BBS9: variants seen among roughly 807,000 people sequenced by gnomAD.
BBS9 encodes the protein Bardet-Biedl syndrome 9.
Under a neutral mutation model 117.7 loss-of-function variants are expected in BBS9, and 89 were observed. The observed-to-expected ratio is 0.76, with a 90% CI of 0.64 to 0.90. BBS9 has a LOEUF of 0.90. BBS9 is among the 40% of genes least tolerant of loss of function. The pLI, the probability that BBS9 is intolerant of heterozygous loss-of-function variation, is 0.00. For synonymous variants in BBS9, 379 were observed against 370.9 expected, an observed-to-expected ratio of 1.02 and a Z score of -0.25; for missense variants, 982 against 1,042.2, an observed-to-expected ratio of 0.94 and a Z score of 0.80.
At chr7:33,357,307 A>C (rs1469800186) in intron 15 of BBS9, among the ~76,000 whole-genome samples, 1 of 151,810 alleles carries the variant, frequency 6.6e-6, no homozygotes, top group East Asian at 1.9e-4. Context: ...TAATGTGTAA[A>C]ATGAACATGG....
Position 33,247,076 on chromosome 7 carries a change from G to A in BBS9, c.443-10160G>A, listed in dbSNP as rs190299496. 3.1e-4 allele frequency among the ~76,000 whole-genome samples: 47 copies of A among 151,692 alleles called. No homozygotes were observed. In the East Asian group the frequency reaches 8.3e-3, roughly 27 times the overall value. ...AAAAGATGAATTTCTGAGTGTATATGTATGTGTGTGTGTGTGCATGCAGTC... is the reference window on the plus strand; with the variant it reads ...AAAAGATGAATTTCTGAGTGTATATATATGTGTGTGTGTGTGCATGCAGTC... On this transcript the variant is annotated intron_variant, in intron 5 of 22. Coordinates refer to ENST00000242067, the MANE Select transcript of BBS9 (RefSeq NM_198428.3).
At chr7:33,331,969 A>T (rs1814166000) in intron 9 of BBS9, among the ~76,000 whole-genome samples, 1 of 152,154 alleles carries the variant, frequency 6.6e-6, no homozygotes. Flanking sequence ...ATTCTTATGG[A>T]ACCAAAAAAG....
At chr7:33,380,709 C>T (rs1824848198) in intron 17 of BBS9, 1 of 152,566 alleles carries the variant, frequency 6.6e-6, no homozygotes, top group Non-Finnish European at 1.5e-5. Context: ...CTTTGCGAGC[C>T]ACTACCACAT....
intron 19 of BBS9, among the ~76,000 whole-genome samples, chr7:33,409,511 A>G (rs992222036): frequency 6.6e-6 from 1 of 152,112 alleles, no homozygotes; most frequent in Non-Finnish European, 1.5e-5. Flanking sequence ...CTATTGGTCT[A>G]TGTGTCTGTT....
intron 19 of BBS9, among the ~76,000 whole-genome samples, chr7:33,443,439 A>G (rs906460275): frequency 6.6e-5 from 10 of 152,114 alleles, no homozygotes; most frequent in Admixed American, 2.0e-4. Context: ...GGAAACCCCT[A>G]TATTTTTCTT....
rs182698443 is a variant in BBS9, at chr7:33,389,582, G to A, written c.2115+1438G>A. 2.2e-3 allele frequency among the ~76,000 whole-genome samples: 337 copies of A among 151,558 alleles called. 1 individual carries two copies. Among genetic ancestry groups the A allele is most frequent in the African/African-American group, 7.9e-3 (325 of 41,282 alleles). On this transcript the variant is annotated intron_variant, in intron 19 of 22. Transcript: ENST00000242067. ...CAGGCACCCATAATCCCAGCTACTC[G>A]GGAGGCTGAGGCAGGGGAATCGGTT... is the stretch of plus-strand genomic sequence containing the variant.
At chr7:33,450,479 A>G (rs989562691) in intron 19 of BBS9, among the ~76,000 whole-genome samples, 1 of 152,160 alleles carries the variant, frequency 6.6e-6, no homozygotes, top group Admixed American at 6.5e-5. Flanking sequence ...GCACTCTTTT[A>G]CATTCTTACC....
intron 21 of BBS9, among the ~76,000 whole-genome samples, chr7:33,536,887 A>G (rs75515677): frequency 1.5e-3 from 227 of 151,922 alleles, no homozygotes; most frequent in African/African-American, 5.3e-3. Context: ...CTTATTAAGA[A>G]ATACTGTGAG....
intron 15 of BBS9, among the ~76,000 whole-genome samples, chr7:33,356,714 G>C (rs1273104419): frequency 6.6e-6 from 1 of 151,848 alleles, no homozygotes; most frequent in African/African-American, 2.4e-5. Context: ...TGGATGTGGA[G>C]TAAGACATAC....
intron 9 of BBS9, among the ~76,000 whole-genome samples, chr7:33,274,715 C>T (rs889327003): frequency 2.6e-5 from 4 of 152,150 alleles, no homozygotes; most frequent in African/African-American, 7.2e-5. Context: ...CCATACGGGG[C>T]GGGGCACAGT....
chr7:33,571,647 A>G (rs1857812922), intron 21 of BBS9, among the ~76,000 whole-genome samples: 1 of 152,022 alleles, frequency 6.6e-6, no homozygotes, highest in Non-Finnish European at 1.5e-5. Flanking sequence ...TTATAGTTAC[A>G]TGGTTTCATT....
intron 20 of BBS9, among the ~76,000 whole-genome samples, chr7:33,528,238 C>T (rs1849971125): frequency 6.6e-6 from 1 of 152,112 alleles, no homozygotes; most frequent in African/African-American, 2.4e-5. Flanking sequence ...TGCAATGCAA[C>T]ATGGGCCATT....
chr7:33,219,646 A>G (rs189828975), intron 5 of BBS9, among the ~76,000 whole-genome samples: 2 of 152,250 alleles, frequency 1.3e-5, no homozygotes, highest in Non-Finnish European at 2.9e-5. Flanking sequence ...CTCCGTATCT[A>G]GCTAATCTGG....
intron 21 of BBS9, among the ~76,000 whole-genome samples, chr7:33,559,193 A>AT (rs1855722821): frequency 6.6e-6 from 1 of 152,280 alleles, no homozygotes; most frequent in South Asian, 2.1e-4. Context: ...TTTCCTAAAC[A>AT]TTTTTTGTGC....
At chr7:33,392,379 T>G (rs1370560691) in intron 19 of BBS9, among the ~76,000 whole-genome samples, 1 of 152,204 alleles carries the variant, frequency 6.6e-6, no homozygotes, top group Non-Finnish European at 1.5e-5. Context: ...TATTTACTCA[T>G]GTATTTGGCA....
chr7:33,466,056 T>G (rs1464052841), intron 19 of BBS9, among the ~76,000 whole-genome samples: 1 of 151,520 alleles, frequency 6.6e-6, no homozygotes, highest in East Asian at 1.9e-4. Flanking sequence ...TAACATTTTT[T>G]GAGAGAGAGA....
At chr7:33,280,522 A>T (rs1224555196) in intron 9 of BBS9, among the ~76,000 whole-genome samples, 1 of 152,194 alleles carries the variant, frequency 6.6e-6, no homozygotes, top group Admixed American at 6.5e-5. Context: ...TTTCCTGCTT[A>T]TCATGGTCTC....
At chr7:33,322,836 T>G (rs1236236962) in intron 9 of BBS9, among the ~76,000 whole-genome samples, 1 of 152,168 alleles carries the variant, frequency 6.6e-6, no homozygotes, top group Non-Finnish European at 1.5e-5. Context: ...GGTTGTTTAT[T>G]TGAAGTTTTT....
At chr7:33,218,834 C>T (rs554761064) in intron 5 of BBS9, among the ~76,000 whole-genome samples, 24 of 152,388 alleles carry the variant, frequency 1.6e-4, no homozygotes, top group African/African-American at 4.3e-4. Flanking sequence ...AGCCCTCGCT[C>T]GCTCTCGGCA....
Sources: gnomAD v4.1 joint callset for allele counts (sites outside exome capture counted in the v4.1 genomes callset) on GRCh38, gnomAD v4.1.1 for gene constraint, MANE v1.5 for transcripts, NCBI Gene and HGNC (gene_info 2026-07-23, HGNC 2026-07-21) for gene names.